Variants in IGSF10 observed in about 807,000 individuals in gnomAD.
IGSF10 encodes calvaria mechanical force protein 608.
IGSF10 carries 126 observed loss-of-function variants against 128.2 expected under a neutral mutation model. The ratio of observed to expected loss-of-function variants is 0.98; its 90% CI spans 0.85 to 1.14. The LOEUF (loss-of-function observed/expected upper bound fraction) is 1.14. Among genes scored for constraint, IGSF10 ranks in the 50% most tolerant of loss-of-function variants. IGSF10 has a pLI of 0.00. For synonymous variants in IGSF10, 1,185 were observed against 1,146.2 expected (o/e 1.03, Z -0.68); for missense variants, 3,295 against 3,149.8 (o/e 1.05, Z -1.10).
At chr3:151,503,372 T>C in the IGSF10 span, among the ~76,000 whole-genome samples, 4 of 152,010 alleles carry the variant, frequency 2.6e-5, no homozygotes, top group African/African-American at 9.7e-5. Flanking sequence ...TTTAAAGTAA[T>C]ATAATGTAAA....
At chr3:151,507,436 T>C in the IGSF10 span, among the ~76,000 whole-genome samples, 1 of 152,198 alleles carries the variant, frequency 6.6e-6, no homozygotes, top group African/African-American at 2.4e-5. Context: ...ATCTGAGTAA[T>C]CTGTAAGATA....
the IGSF10 span, among the ~76,000 whole-genome samples, chr3:151,587,182 T>C: frequency 2.4e-4 from 36 of 152,236 alleles, no homozygotes; most frequent in African/African-American, 7.5e-4. Context: ...ACACCATAGT[T>C]CTTAGAAGAT....
At position 151,437,554 on chromosome 3, in the gene IGSF10, C is replaced by G; in HGVS notation, c.7007G>C (p.Arg2336Thr). Reference protein sequence around the residue: ...VQLEVLEMLRRPTFRNPFNEK... With the variant: ...VQLEVLEMLRTPTFRNPFNEK... ...ATTAAATGGATTTCTAAATGTCGGTCTTCTCAGCATTTCCAGTACTTCTAA... is the reference window on the plus strand; with the variant it reads ...ATTAAATGGATTTCTAAATGTCGGTGTTCTCAGCATTTCCAGTACTTCTAA... Residue 2336 changes from arginine (R) to threonine (T), a missense_variant, in exon 8 of 8, where the codon AGA becomes ACA. Transcript: ENST00000282466. 1 of 1,614,176 alleles carries G rather than the reference C, an allele frequency of 6.2e-7. No homozygotes were observed. Among genetic ancestry groups the G allele is most frequent in the Non-Finnish European group, 8.5e-7 (1 of 1,180,036 alleles).
At position 151,443,820 on chromosome 3, in the gene IGSF10, G is replaced by C. The variant is rs757583116; in HGVS notation, c.5127C>G (p.Ser1709=). 1 of 1,614,004 alleles carries C rather than the reference G, an allele frequency of 6.2e-7. No homozygotes were observed. Among genetic ancestry groups the C allele is most frequent in the Non-Finnish European group, 8.5e-7 (1 of 1,179,924 alleles). ...GGTCCTGAATTTCCACCCTCTGGAT[G>C]GACAGGGTACCATTGGGGAGAACCT... ...RVQVLPNGTL[S]IQRVEIQDRG... Residue 1709 remains serine (S), a synonymous_variant, in exon 7 of 8, where the codon TCC becomes TCG. Transcript: ENST00000282466.
At chr3:151,549,084 T>C in the IGSF10 span, among the ~76,000 whole-genome samples, 1 of 152,222 alleles carries the variant, frequency 6.6e-6, no homozygotes, top group Admixed American at 6.5e-5. Flanking sequence ...TGCTTTTATC[T>C]ATTTGTTTGT....
the IGSF10 span, among the ~76,000 whole-genome samples, chr3:151,538,569 A>G: frequency 5.9e-5 from 9 of 152,316 alleles, no homozygotes; most frequent in African/African-American, 2.2e-4. Context: ...GAAAAAGGGT[A>G]TCTAGTTCCA....
At chr3:151,538,308 T>A in the IGSF10 span, among the ~76,000 whole-genome samples, 5 of 152,142 alleles carry the variant, frequency 3.3e-5, no homozygotes, top group East Asian at 9.7e-4. Flanking sequence ...AATATATTTC[T>A]TTAATTATTA....
chr3:151,575,519 G>T, the IGSF10 span, among the ~76,000 whole-genome samples: 2 of 152,210 alleles, frequency 1.3e-5, no homozygotes, highest in Non-Finnish European at 2.9e-5. Context: ...ATGGGCATAG[G>T]ACCCACTGAG....
the IGSF10 span, among the ~76,000 whole-genome samples, chr3:151,607,363 A>G: frequency 2.0e-5 from 3 of 152,156 alleles, no homozygotes; most frequent in Non-Finnish European, 4.4e-5. Flanking sequence ...CACGAGGTAC[A>G]TATTAGAATC....
rs753945333 is a variant in IGSF10 at position 151,436,718 on chromosome 3, A to C, written c.7843T>G (p.Tyr2615Asp). Reference sequence around the variant, plus strand: ...ATTACTTGAATATACGTTGCTGCATAATCACTACCAAGTGGGTTCTTTGCT... The same window carrying C: ...ATTACTTGAATATACGTTGCTGCATCATCACTACCAAGTGGGTTCTTTGCT... ...CTAKNPLGSD[Y>D]AATYIQVI Residue 2615 changes from tyrosine to aspartate, a missense_variant, in exon 8 of 8, where the codon TAT (tyrosine) becomes GAT (aspartate). Coordinates refer to ENST00000282466, the MANE Select transcript of IGSF10 (RefSeq NM_178822.5). 4.3e-6 allele frequency: 7 copies of C among 1,612,564 alleles called. No individual in the cohort carries two copies. The Admixed American group carries it at 1.2e-4, about 27-fold the overall frequency.
the IGSF10 span, among the ~76,000 whole-genome samples, chr3:151,516,040 T>C: frequency 6.6e-6 from 1 of 152,048 alleles, no homozygotes; most frequent in Non-Finnish European, 1.5e-5. Context: ...TTTTCATGGT[T>C]CACTGACTGA....
the IGSF10 span, among the ~76,000 whole-genome samples, chr3:151,469,843 A>G: frequency 6.6e-6 from 1 of 152,226 alleles, no homozygotes; most frequent in Non-Finnish European, 1.5e-5. Context: ...TAGCAGTTAA[A>G]AAGCCAAAAG....
the IGSF10 span, among the ~76,000 whole-genome samples, chr3:151,471,613 C>G: frequency 6.6e-6 from 1 of 152,156 alleles, no homozygotes; most frequent in Non-Finnish European, 1.5e-5. Context: ...TTTTGGAATA[C>G]TACATGATTT....
At chr3:151,569,961 C>T in the IGSF10 span, among the ~76,000 whole-genome samples, 1 of 151,382 alleles carries the variant, frequency 6.6e-6, no homozygotes, top group African/African-American at 2.4e-5. Context: ...TCAATTCCCA[C>T]CTATGAGTGA....
chr3:151,461,264 G>C (rs1722051188), upstream of IGSF10: 1 of 985,252 alleles, frequency 1.0e-6, no homozygotes, highest in Non-Finnish European at 1.2e-6. Flanking sequence ...GGGTGGCAGA[G>C]CAGTTTCAGT....
chr3:151,547,429 T>TACACACACAC, the IGSF10 span, among the ~76,000 whole-genome samples: 2 of 146,872 alleles, frequency 1.4e-5, no homozygotes, highest in African/African-American at 5.0e-5. Flanking sequence ...AATATATATA[T>TACACACACAC]ACACACACAC....
the IGSF10 span, among the ~76,000 whole-genome samples, chr3:151,497,953 T>G: frequency 6.6e-6 from 1 of 152,148 alleles, no homozygotes; most frequent in Non-Finnish European, 1.5e-5. Context: ...TGAATGAGAG[T>G]TCACTCATGA....
the IGSF10 span, among the ~76,000 whole-genome samples, chr3:151,558,026 T>TTATATATATA: frequency 1.1e-4 from 3 of 27,484 alleles, no homozygotes; most frequent in Middle Eastern, 0.013. Context: ...ATAATATATA[T>TTATATATATA]ATTGGTACAA....
chr3:151,497,800 T>C, the IGSF10 span, among the ~76,000 whole-genome samples: 2 of 152,194 alleles, frequency 1.3e-5, no homozygotes, highest in African/African-American at 4.8e-5. Context: ...TGACTCTTCC[T>C]ATCCATGAGC....
Sources: gnomAD v4.1 joint callset for allele counts (sites outside exome capture counted in the v4.1 genomes callset) on GRCh38, gnomAD v4.1.1 for gene constraint, MANE v1.5 for transcripts, NCBI Gene and HGNC (gene_info 2026-07-23, HGNC 2026-07-21) for gene names.